The following CHRDL1 variants were observed in gnomAD, a reference collection of about 807,000 sequenced individuals.
The protein encoded by CHRDL1 is chordin like 1.
A neutral mutation model predicts 40.9 loss-of-function variants in CHRDL1; 19 were observed. That is an observed-to-expected ratio of 0.46 (90% CI 0.32 to 0.68). CHRDL1 has a LOEUF of 0.68. Among genes scored for constraint, CHRDL1 ranks in the 30% least tolerant of loss-of-function variants. CHRDL1 has a pLI of 0.03. For synonymous variants in CHRDL1, 136 were observed against 123.4 expected, an observed-to-expected ratio of 1.10 and a Z score of -0.68; for missense variants, 329 against 352.1, an observed-to-expected ratio of 0.93 and a Z score of 0.53.
intron 5 of CHRDL1, among the ~76,000 whole-genome samples, chrX:110,720,593 C>G (rs920577787): frequency 2.7e-5 from 3 of 111,563 alleles, no homozygotes; most frequent in Admixed American, 1.9e-4. Flanking sequence ...GAAAGCAAGG[C>G]CACACGAAAA....
intron 4 of CHRDL1, among the ~76,000 whole-genome samples, chrX:110,756,710 CA>C (rs200110743): frequency 0.11 from 12,205 of 110,650 alleles, 1,654 homozygotes; most frequent in African/African-American, 0.38. Flanking sequence ...AACAAACAAA[CA>C]AAACAAACCC....
rs1164891933 is a variant in CHRDL1, at chrX:110,674,683, T to C, written c.*1548A>G. 2 of 112,120 alleles carry C rather than the reference T, an allele frequency of 1.8e-5. No homozygotes were observed. The highest frequency in any genetic ancestry group is 6.5e-5 in the African/African-American group (2 of 30,860). 9.2% of individuals were successfully genotyped at this position (112,120 alleles called of 1,213,427 possible). ...TGTCATAAAGACTGAACATTTTACA[T>C]TTTCCCCTATTGGTATCAAACCCTC... On this transcript the variant is annotated 3_prime_UTR_variant, in exon 12 of 12. Coordinates refer to ENST00000372042, the MANE Select transcript of CHRDL1 (RefSeq NM_001143981.2).
chrX:110,694,645 A>G (rs1027518257), intron 7 of CHRDL1, among the ~76,000 whole-genome samples: 2 of 112,398 alleles, frequency 1.8e-5, no homozygotes, highest in Non-Finnish European at 3.7e-5. Context: ...CCTGCTGCCA[A>G]GACTCTCACA....
chrX:110,744,256 C>T (rs746669503), intron 4 of CHRDL1, among the ~76,000 whole-genome samples: 9 of 112,581 alleles, frequency 8.0e-5, no homozygotes, highest in Middle Eastern at 4.6e-3. Flanking sequence ...GCCAACTCCT[C>T]TTCCAAAGAG....
intron 4 of CHRDL1, among the ~76,000 whole-genome samples, chrX:110,723,026 G>A (rs1226647938): frequency 9.0e-6 from 1 of 111,267 alleles, no homozygotes; most frequent in Non-Finnish European, 1.9e-5. Context: ...CGAGGCGGGC[G>A]GATCACGAGG....
At chrX:110,724,815 C>T (rs2071026411) in intron 4 of CHRDL1, among the ~76,000 whole-genome samples, 1 of 111,226 alleles carries the variant, frequency 9.0e-6, no homozygotes, top group African/African-American at 3.3e-5. Context: ...GGACTCAAAT[C>T]TCCCCTTGCA....
At chrX:110,710,260 T>C (rs759055839) in intron 6 of CHRDL1, among the ~76,000 whole-genome samples, 7 of 112,300 alleles carry the variant, frequency 6.2e-5, no homozygotes, top group Non-Finnish European at 1.3e-4. Context: ...ACTATTATAA[T>C]GTGAGTAATG....
chrX:110,722,118 C>T (rs1372184178), intron 4 of CHRDL1, among the ~76,000 whole-genome samples: 1 of 110,888 alleles, frequency 9.0e-6, no homozygotes, highest in Non-Finnish European at 1.9e-5. Flanking sequence ...GTGCCTCAGC[C>T]TCCCAAGTAG....
At chrX:110,688,115 T>G (rs988518899) in intron 9 of CHRDL1, among the ~76,000 whole-genome samples, 4 of 111,592 alleles carry the variant, frequency 3.6e-5, no homozygotes, top group African/African-American at 1.3e-4. Flanking sequence ...ATTGTACAGA[T>G]AAGGCTGATG....
chrX:110,766,439 G>A (rs1166002390), intron 2 of CHRDL1, among the ~76,000 whole-genome samples: 2 of 111,322 alleles, frequency 1.8e-5, no homozygotes, highest in East Asian at 2.8e-4. Flanking sequence ...AAATAAAATC[G>A]ATAGACCATT....
chrX:110,747,605 C>T (rs2089281355), intron 4 of CHRDL1, among the ~76,000 whole-genome samples: 1 of 111,835 alleles, frequency 8.9e-6, no homozygotes, highest in East Asian at 2.8e-4. Context: ...AAATGTAATC[C>T]CACTTTATAT....
At chrX:110,684,406 T>C in intron 9 of CHRDL1, among the ~76,000 whole-genome samples, 1 of 111,909 alleles carries the variant, frequency 8.9e-6, no homozygotes, top group Middle Eastern at 4.6e-3. Flanking sequence ...TGTGTCATTT[T>C]TTAAGAGGCC....
chrX:110,740,042 T>C (rs1261364947), intron 4 of CHRDL1, among the ~76,000 whole-genome samples: 3 of 112,696 alleles, frequency 2.7e-5, no homozygotes, highest in African/African-American at 9.7e-5. Flanking sequence ...TTCATGCTGG[T>C]CTACACAGCA....
chrX:110,762,555 G>T, intron 3 of CHRDL1, 140 bp downstream of exon 3: 1 of 430,361 alleles, frequency 2.3e-6, no homozygotes. Flanking sequence ...GGGATTATAG[G>T]CGTGAGACAG....
intron 4 of CHRDL1, among the ~76,000 whole-genome samples, chrX:110,739,041 A>G (rs1166205592): frequency 8.9e-6 from 1 of 111,994 alleles, no homozygotes; most frequent in Non-Finnish European, 1.9e-5. Context: ...GCTCTTACAT[A>G]TCTGTCCAGA....
chrX:110,676,177 C>A lies in CHRDL1; in HGVS notation c.*54G>T, dbSNP rs1258089797. On this transcript the variant is annotated 3_prime_UTR_variant, in exon 12 of 12. Transcript: ENST00000372042. ...GACTTAAGCAAAATAAGCCTGCAGT[C>A]CAGCTGCAGCTTGAGTTTTCTTGCT... The A allele has an allele frequency of 2.6e-6, 3 of 1,153,190 alleles. No homozygotes were observed. The African/African-American group carries it at 5.4e-5, about 21-fold the overall frequency.
chrX:110,697,488 G>A (rs1308068840), intron 7 of CHRDL1, among the ~76,000 whole-genome samples: 1 of 110,458 alleles, frequency 9.1e-6, no homozygotes, highest in Non-Finnish European at 1.9e-5. Context: ...TTAAAAAGCG[G>A]CTTCAGAATA....
intron 9 of CHRDL1, among the ~76,000 whole-genome samples, chrX:110,685,022 A>G (rs1441362802): frequency 8.9e-6 from 1 of 112,336 alleles, no homozygotes; most frequent in African/African-American, 3.2e-5. Flanking sequence ...TCAGACTTCA[A>G]TATACTGCCA....
At chrX:110,744,177 AG>A (rs1429103691) in intron 4 of CHRDL1, among the ~76,000 whole-genome samples, 25 of 112,431 alleles carry the variant, frequency 2.2e-4, no homozygotes, top group African/African-American at 8.1e-4. Flanking sequence ...AAATAGCTGC[AG>A]GCGCACTCAC....
Sources: gnomAD v4.1 joint callset for allele counts (sites outside exome capture counted in the v4.1 genomes callset) on GRCh38, gnomAD v4.1.1 for gene constraint, MANE v1.5 for transcripts, NCBI Gene and HGNC (gene_info 2026-07-23, HGNC 2026-07-21) for gene names.